Variants in HK1 observed in about 807,000 individuals in gnomAD.
The protein encoded by HK1 is hexokinase-1.
HK1 carries 28 observed loss-of-function variants against 91.6 expected under a neutral mutation model. That is an observed-to-expected ratio of 0.31 (90% CI 0.23 to 0.42). The LOEUF is 0.42. Among genes scored for constraint, HK1 ranks in the 10% least tolerant of loss-of-function variants. HK1 has a pLI of 1.00. For synonymous variants in HK1, 430 were observed against 468.1 expected (o/e 0.92, Z 1.05); for missense variants, 770 against 1,219.8 (o/e 0.63, Z 5.49).
intron 2 of HK1, among the ~76,000 whole-genome samples, chr10:69,284,219 C>T (rs577131568): frequency 1.7e-4 from 26 of 152,278 alleles, no homozygotes; most frequent in Admixed American, 4.6e-4. Flanking sequence ...GCTTGGTTAG[C>T]TTACAGCCAT....
intron 1 of HK1, among the ~76,000 whole-genome samples, chr10:69,277,335 A>G (rs1844521954): frequency 6.6e-6 from 1 of 152,132 alleles, no homozygotes; most frequent in African/African-American, 2.4e-5. Context: ...TGGGAGGCTG[A>G]GGCACGAGGA....
At chr10:69,362,176 T>G (rs114666392) in intron 3 of HK1, among the ~76,000 whole-genome samples, 1 of 152,300 alleles carries the variant, frequency 6.6e-6, no homozygotes, top group African/African-American at 2.4e-5. Flanking sequence ...TGTTTTAAGT[T>G]TTTGTATTAG....
At chr10:69,312,637 G>T (rs909716617), upstream of HK1, among the ~76,000 whole-genome samples, 4 of 152,066 alleles carry the variant, frequency 2.6e-5, no homozygotes, top group African/African-American at 9.7e-5. Context: ...AGGGATCAGA[G>T]AATTGAGATT....
intron 4 of HK1, among the ~76,000 whole-genome samples, chr10:69,297,949 G>A (rs1428781406): frequency 3.4e-5 from 5 of 145,648 alleles, no homozygotes; most frequent in East Asian, 2.1e-4. Flanking sequence ...GGTGGCTCAC[G>A]CCTGTAATCC....
At chr10:69,289,890 G>A (rs1161441725) in intron 3 of HK1, among the ~76,000 whole-genome samples, 1 of 151,524 alleles carries the variant, frequency 6.6e-6, no homozygotes, top group Non-Finnish European at 1.5e-5. Context: ...CAAAGTGTTG[G>A]GATTACAGTG....
intron 16 of HK1, among the ~76,000 whole-genome samples, chr10:69,396,387 TC>T (rs1180023883): frequency 6.6e-6 from 1 of 152,062 alleles, no homozygotes; most frequent in East Asian, 1.9e-4. Context: ...AGTATACAGT[TC>T]GGTGACATTA....
rs1839318678 is a variant in HK1 at position 69,380,177 on chromosome 10, G to C, written c.1265+82G>C. 4 of 1,166,214 alleles carry C rather than the reference G, an allele frequency of 3.4e-6. No individual in the cohort carries two copies. The highest frequency in any genetic ancestry group is 5.1e-6 in the Non-Finnish European group (4 of 784,492). The allele number at this position is 1,166,214 out of a possible 1,614,324, so 72.2% of individuals were successfully genotyped here. On this transcript the variant is annotated intron_variant, in intron 9 of 17. Coordinates refer to ENST00000359426, the MANE Select transcript of HK1 (RefSeq NM_000188.3). This position sits in a 1 kb window ranked among gnomAD's most constrained non-coding sequence, Gnocchi z 4.0. ...CTCCAGAGATCAGACTTTTGTACCC[G>C]GTAAACGTTTTTCGGCAGACAAGAC...
upstream of HK1, among the ~76,000 whole-genome samples, chr10:69,312,118 G>T (rs1014710115): frequency 1.3e-5 from 2 of 152,206 alleles, no homozygotes; most frequent in Non-Finnish European, 2.9e-5. Context: ...CCCCCTCCGT[G>T]AATTTGCTGA....
intron 13 of HK1, among the ~76,000 whole-genome samples, chr10:69,387,278 A>T (rs568493814): frequency 4.6e-5 from 7 of 152,272 alleles, no homozygotes; most frequent in South Asian, 2.1e-4. Context: ...TTTAAAAAAA[A>T]TTTTTAGAAT....
rs746791070 is a variant in HK1 at position 69,380,003 on chromosome 10, C to T, written c.1173C>T (p.Gly391=). 1.5e-4 allele frequency: 245 copies of T among 1,614,034 alleles called. No individual in the cohort carries two copies. The highest frequency in any genetic ancestry group is 2.5e-4 in the South Asian group (23 of 91,078). ...RSANLVAATL[G]AILNRLRDNK... ...CCAACTTGGTGGCTGCCACACTGGG[C>T]GCCATCTTGAACCGCCTGCGTGATA... Residue 391 remains glycine, a synonymous_variant, in exon 9 of 18, where the codon GGC becomes GGT. Transcript: ENST00000359426. This position sits in a 1 kb window ranked among gnomAD's most constrained non-coding sequence, Gnocchi z 4.0.
intron 3 of HK1, among the ~76,000 whole-genome samples, chr10:69,363,667 C>A (rs997774671): frequency 1.3e-5 from 2 of 152,184 alleles, no homozygotes; most frequent in African/African-American, 4.8e-5. Context: ...ACGTGAGCCA[C>A]CATGCCTGGC....
At chr10:69,277,782 C>G (rs1844542212) in intron 1 of HK1, among the ~76,000 whole-genome samples, 1 of 152,028 alleles carries the variant, frequency 6.6e-6, no homozygotes, top group Non-Finnish European at 1.5e-5. Flanking sequence ...CCTGTAATCC[C>G]AGCACTTTGG....
intron 1 of HK1, among the ~76,000 whole-genome samples, chr10:69,281,437 C>A (rs999315009): frequency 6.6e-6 from 1 of 152,210 alleles, no homozygotes; most frequent in Non-Finnish European, 1.5e-5. Context: ...CTTTCTCTTC[C>A]TCATCCTCCT....
intron 1 of HK1, among the ~76,000 whole-genome samples, chr10:69,276,138 T>TATATATATATATACAC (rs753204633): frequency 4.8e-4 from 37 of 76,412 alleles, no homozygotes; most frequent in African/African-American, 9.3e-4. Context: ...TATATATATA[T>TATATATATATATACAC]ACACATATAT....
At chr10:69,311,198 T>C (rs960408693), upstream of HK1, among the ~76,000 whole-genome samples, 1 of 152,210 alleles carries the variant, frequency 6.6e-6, no homozygotes, top group African/African-American at 2.4e-5. Context: ...AGTCTGTTGA[T>C]GTTAATGCTG....
chr10:69,362,488 A>T (rs568110142), intron 3 of HK1, among the ~76,000 whole-genome samples: 1 of 149,258 alleles, frequency 6.7e-6, no homozygotes, highest in African/African-American at 2.5e-5. Flanking sequence ...CGGTTAGGTG[A>T]CTTTTTTTCC....
At chr10:69,338,924 C>T (rs182128991) in intron 1 of HK1, among the ~76,000 whole-genome samples, 1 of 152,248 alleles carries the variant, frequency 6.6e-6, no homozygotes, top group East Asian at 1.9e-4. Context: ...AGCCTTTCTT[C>T]CTGGGTTTCT....
chr10:69,305,474 G>A (rs938897695), intron 5 of HK1, among the ~76,000 whole-genome samples: 1 of 152,090 alleles, frequency 6.6e-6, no homozygotes, highest in Non-Finnish European at 1.5e-5. Context: ...TATTTAATTA[G>A]CCATTTGTTT....
intron 3 of HK1, among the ~76,000 whole-genome samples, chr10:69,360,863 C>T (rs761491861): frequency 6.6e-6 from 1 of 152,246 alleles, no homozygotes; most frequent in Non-Finnish European, 1.5e-5. Flanking sequence ...CTCCTGTAGA[C>T]ATTCTGGCTC....
Sources: allele counts gnomAD v4.1 joint callset (sites outside exome capture counted in the v4.1 genomes callset), GRCh38; gene constraint gnomAD v4.1.1; non-coding constraint Gnocchi (gnomAD v3.1); transcripts MANE v1.5; gene names NCBI Gene and HGNC (gene_info 2026-07-23, HGNC 2026-07-21).